SYT14: variants seen among roughly 807,000 people sequenced by gnomAD.
SYT14 encodes the protein synaptotagmin 14, also known as synaptotagmin-14.
A neutral mutation model predicts 74.2 loss-of-function variants in SYT14; 32 were observed. The ratio of observed to expected loss-of-function variants is 0.43; its 90% CI spans 0.33 to 0.58. The LOEUF is 0.58. SYT14 is among the 20% of genes least tolerant of loss of function. The pLI, the probability that SYT14 is intolerant of heterozygous loss-of-function variation, is 0.05. For synonymous variants in SYT14, 298 were observed against 337.7 expected (o/e 0.88, Z 1.29); for missense variants, 791 against 981.8 (o/e 0.81, Z 2.60).
At chr1:209,995,513 A>T (rs1164946037) in intron 2 of SYT14, among the ~76,000 whole-genome samples, 1 of 152,198 alleles carries the variant, frequency 6.6e-6, no homozygotes, top group Non-Finnish European at 1.5e-5. Context: ...ACGAAAAGAC[A>T]TATAGACAAC....
At chr1:210,154,504 A>T (rs1470781441) in intron 7 of SYT14, among the ~76,000 whole-genome samples, 1 of 152,198 alleles carries the variant, frequency 6.6e-6, no homozygotes, top group African/African-American at 2.4e-5. Context: ...TAGAAGAAAC[A>T]ACTTTCTTCT....
intron 7 of SYT14, among the ~76,000 whole-genome samples, chr1:210,146,188 A>T (rs2083029307): frequency 6.6e-6 from 1 of 152,070 alleles, no homozygotes. Flanking sequence ...AAATACAAAA[A>T]TTAACCGGGC....
At chr1:210,034,255 T>G (rs1395789617) in intron 5 of SYT14, among the ~76,000 whole-genome samples, 1 of 151,752 alleles carries the variant, frequency 6.6e-6, no homozygotes, top group Non-Finnish European at 1.5e-5. Context: ...ACACACAGTG[T>G]CTGCCCTCAG....
At chr1:210,065,742 ATTAT>A (rs540466201) in intron 5 of SYT14, among the ~76,000 whole-genome samples, 200 of 152,184 alleles carry the variant, frequency 1.3e-3, no homozygotes, top group African/African-American at 4.5e-3. Context: ...TAATTTTATT[ATTAT>A]TTAAGTTTTA....
chr1:210,025,343 G>C (rs1020041144), intron 5 of SYT14, among the ~76,000 whole-genome samples: 1 of 152,180 alleles, frequency 6.6e-6, no homozygotes, highest in African/African-American at 2.4e-5. Flanking sequence ...CAAGGAAAGA[G>C]ATGAATAGAG....
intron 2 of SYT14, among the ~76,000 whole-genome samples, chr1:209,981,516 A>C (rs904807601): frequency 2.3e-4 from 33 of 142,622 alleles, no homozygotes; most frequent in African/African-American, 8.4e-4. Flanking sequence ...CAGTGTTGCA[A>C]TTGTAGCTCA....
At chr1:210,086,252 G>C (rs944685032) in intron 5 of SYT14, among the ~76,000 whole-genome samples, 2 of 152,074 alleles carry the variant, frequency 1.3e-5, no homozygotes, top group Non-Finnish European at 2.9e-5. Flanking sequence ...GTATCTACCA[G>C]GTTTCTCCAC....
intron 5 of SYT14, among the ~76,000 whole-genome samples, chr1:210,037,764 C>T (rs764990972): frequency 2.0e-5 from 3 of 151,762 alleles, no homozygotes; most frequent in African/African-American, 4.8e-5. Flanking sequence ...CTCATGGAAT[C>T]GATTTCTAAT....
intron 2 of SYT14, among the ~76,000 whole-genome samples, chr1:209,994,825 G>T (rs1311198074): frequency 6.6e-6 from 1 of 152,130 alleles, no homozygotes; most frequent in Non-Finnish European, 1.5e-5. Flanking sequence ...AAGAAATTGG[G>T]GGCCTATTTT....
chr1:210,003,372 A>G (rs906151765), intron 2 of SYT14, among the ~76,000 whole-genome samples: 3 of 152,194 alleles, frequency 2.0e-5, no homozygotes. Context: ...CCTGCCAAGA[A>G]ACCTTTTAAT....
chr1:210,109,790 A>G (rs1401245531), intron 7 of SYT14, among the ~76,000 whole-genome samples: 1 of 152,178 alleles, frequency 6.6e-6, no homozygotes, highest in Non-Finnish European at 1.5e-5. Context: ...AGGATTGTAA[A>G]TCATTCTGCT....
At chr1:210,161,937 A>G (rs1465284989) in exon 10 of SYT14, 1 of 452,982 alleles carries the variant, frequency 2.2e-6, no homozygotes, top group Non-Finnish European at 4.4e-6. Context: ...TACAAACTGA[A>G]AATACAGTAG....
intron 5 of SYT14, among the ~76,000 whole-genome samples, chr1:210,052,597 G>GC (rs1428573629): frequency 7.2e-6 from 1 of 138,186 alleles, no homozygotes; most frequent in African/African-American, 2.8e-5. Flanking sequence ...CAGAGCCGGA[G>GC]ATTGCAGTGA....
intron 2 of SYT14, among the ~76,000 whole-genome samples, chr1:209,965,017 T>G (rs1417384556): frequency 6.6e-6 from 1 of 152,170 alleles, no homozygotes; most frequent in Non-Finnish European, 1.5e-5. Context: ...TCTGCTATGT[T>G]CACTTTTTTT....
chr1:210,120,084 C>A (rs2082429047), intron 7 of SYT14, among the ~76,000 whole-genome samples: 1 of 151,660 alleles, frequency 6.6e-6, no homozygotes, highest in Admixed American at 6.6e-5. Context: ...TTACCATGTC[C>A]TTTTTATAGT....
chr1:210,033,762 A>AT, intron 5 of SYT14, among the ~76,000 whole-genome samples: 1 of 151,750 alleles, frequency 6.6e-6, no homozygotes, highest in East Asian at 1.9e-4. Flanking sequence ...TTGTGCCTTG[A>AT]TTTTAGTAGG....
At chr1:210,151,510 C>CG (rs1553289521) in intron 7 of SYT14, among the ~76,000 whole-genome samples, 1 of 139,214 alleles carries the variant, frequency 7.2e-6, no homozygotes, top group Middle Eastern at 3.4e-3. Flanking sequence ...GAATGCCCCC[C>CG]CCCTTTTTTT....
chr1:209,958,247 A>G (rs1287111541), intron 2 of SYT14, among the ~76,000 whole-genome samples: 1 of 152,168 alleles, frequency 6.6e-6, no homozygotes, highest in African/African-American at 2.4e-5. Flanking sequence ...CTGTTCCATT[A>G]ATCAATGTAC....
At chr1:210,090,777 A>T (rs1237127589) in intron 5 of SYT14, among the ~76,000 whole-genome samples, 1 of 152,092 alleles carries the variant, frequency 6.6e-6, no homozygotes, top group Non-Finnish European at 1.5e-5. Flanking sequence ...AAAATTATTT[A>T]AAAATTTTTC....
Sources: gnomAD v4.1 joint callset for allele counts (sites outside exome capture counted in the v4.1 genomes callset) on GRCh38, gnomAD v4.1.1 for gene constraint, MANE v1.5 for transcripts, NCBI Gene and HGNC (gene_info 2026-07-23, HGNC 2026-07-21) for gene names.